Variants in TNS3 observed in about 807,000 individuals in gnomAD.
TNS3 encodes the protein tensin 3.
Under a neutral mutation model 140.9 loss-of-function variants are expected in TNS3, and 45 were observed. That is an observed-to-expected ratio of 0.32 (90% CI 0.25 to 0.41). The LOEUF (loss-of-function observed/expected upper bound fraction) is 0.41, where lower values mean the gene tolerates loss of function less well. Ranked by LOEUF, TNS3 falls within the 10% of genes least tolerant of loss-of-function variation. The pLI is 1.00. For missense variants in TNS3, 1,716 were observed against 1,906.7 expected (o/e 0.90, Z 1.86); for synonymous variants, 815 against 788.4 (o/e 1.03, Z -0.56).
At chr7:47,448,361 C>T (rs1795853101) in intron 4 of TNS3, among the ~76,000 whole-genome samples, 1 of 152,206 alleles carries the variant, frequency 6.6e-6, no homozygotes. Flanking sequence ...GGTGGGATCC[C>T]AGCTGGTTTG....
intron 16 of TNS3, among the ~76,000 whole-genome samples, chr7:47,382,131 G>A (rs1345410935): frequency 6.6e-6 from 1 of 152,292 alleles, no homozygotes; most frequent in Non-Finnish European, 1.5e-5. Flanking sequence ...CAACGGCCAA[G>A]GTACCTTTAT....
At chr7:47,447,789 C>T (rs1046790022) in intron 4 of TNS3, among the ~76,000 whole-genome samples, 1 of 152,210 alleles carries the variant, frequency 6.6e-6, no homozygotes, top group Admixed American at 6.5e-5. Context: ...CACCACGCGC[C>T]ATTTGCCAAG....
At chr7:47,535,408 A>C (rs1401058099) in intron 1 of TNS3, among the ~76,000 whole-genome samples, 1 of 152,204 alleles carries the variant, frequency 6.6e-6, no homozygotes, top group Non-Finnish European at 1.5e-5. Context: ...ATCTCTGAGG[A>C]GTTCATTTAG....
intron 16 of TNS3, among the ~76,000 whole-genome samples, chr7:47,390,097 C>A (rs1276233634): frequency 6.6e-6 from 1 of 152,212 alleles, no homozygotes; most frequent in African/African-American, 2.4e-5. Context: ...GGACAGCACT[C>A]CACGTTGCCA....
chr7:47,505,890 G>A (rs1034201159), intron 3 of TNS3, among the ~76,000 whole-genome samples: 19 of 152,252 alleles, frequency 1.2e-4, no homozygotes, highest in African/African-American at 4.3e-4. Context: ...CGGGAGGGTC[G>A]GGGAAACCAG....
intron 4 of TNS3, among the ~76,000 whole-genome samples, chr7:47,463,316 T>C (rs1409325420): frequency 6.6e-6 from 1 of 152,194 alleles, no homozygotes; most frequent in Non-Finnish European, 1.5e-5. Flanking sequence ...TGGTTGTGCA[T>C]GCCTGTAATC....
intron 3 of TNS3, among the ~76,000 whole-genome samples, chr7:47,498,361 AC>A (rs905059138): frequency 6.6e-6 from 1 of 152,162 alleles, no homozygotes; most frequent in Non-Finnish European, 1.5e-5. Flanking sequence ...GGATGCAGGG[AC>A]CCACATTCTC....
intron 3 of TNS3, among the ~76,000 whole-genome samples, chr7:47,489,184 C>A (rs1797721215): frequency 6.6e-6 from 1 of 152,184 alleles, no homozygotes; most frequent in Non-Finnish European, 1.5e-5. Flanking sequence ...CGCAATTAAA[C>A]CTTCTCAGCC....
At chr7:47,319,149 G>A (rs569276568) in intron 20 of TNS3, among the ~76,000 whole-genome samples, 1 of 152,294 alleles carries the variant, frequency 6.6e-6, no homozygotes, top group East Asian at 1.9e-4. Flanking sequence ...CGCTATATAG[G>A]AACAACCGAG....
At chr7:47,372,713 A>G (rs1791146788) in intron 16 of TNS3, among the ~76,000 whole-genome samples, 1 of 152,212 alleles carries the variant, frequency 6.6e-6, no homozygotes, top group Admixed American at 6.5e-5. Flanking sequence ...CTGACAGCCC[A>G]GGTGGCGTTC....
At chr7:47,454,356 A>G (rs1796158054) in intron 4 of TNS3, among the ~76,000 whole-genome samples, 1 of 152,204 alleles carries the variant, frequency 6.6e-6, no homozygotes, top group South Asian at 2.1e-4. Context: ...TACTGGCCAC[A>G]GTCATCAGAC....
Position 47,442,027 on chromosome 7 carries a change from G to A in TNS3, c.-47C>T, listed in dbSNP as rs757688918. The A allele has an allele frequency of 3.1e-6, 4 of 1,288,754 alleles. No individual in the cohort carries two copies. The highest frequency in any genetic ancestry group is 4.0e-6 in the Non-Finnish European group (4 of 988,588). 79.8% of individuals were successfully genotyped at this position (1,288,754 alleles called of 1,614,324 possible). On this transcript the variant is annotated 5_prime_UTR_variant, in exon 5 of 31. Transcript: ENST00000311160. ...CCGCAGAGGTTTATCACGGCAGAGA[G>A]AACTGGACAGCGTGGAACTCCCTGG...
At chr7:47,311,513 A>C (rs1374345499) in intron 20 of TNS3, among the ~76,000 whole-genome samples, 1 of 152,196 alleles carries the variant, frequency 6.6e-6, no homozygotes, top group Non-Finnish European at 1.5e-5. Context: ...AAAACAAAAT[A>C]AATGAAATTA....
At chr7:47,354,429 T>C (rs1789869391) in intron 17 of TNS3, among the ~76,000 whole-genome samples, 1 of 149,892 alleles carries the variant, frequency 6.7e-6, no homozygotes, top group East Asian at 2.0e-4. Context: ...CACACAGGGA[T>C]GTTCACGGGC....
At chr7:47,459,035 C>T (rs1046884759) in intron 4 of TNS3, among the ~76,000 whole-genome samples, 6 of 152,196 alleles carry the variant, frequency 3.9e-5, no homozygotes, top group South Asian at 2.1e-4. Context: ...CCAAATGGTG[C>T]TTTATGTCCA....
Position 47,396,893 on chromosome 7 carries a change from A to G in TNS3, c.931T>C (p.Leu311=). The change falls in exon 16 of 31, where the codon TTG becomes CTG. Residue 311 remains leucine (L), a synonymous_variant. Transcript: ENST00000311160. ...ACAATCACACCGTGGTCGTTGTACA[A>G]GTGTTCGGACCCTGCACAGAGCACA... ...TPEKIQGSEH[L]YNDHGVIVDY... The G allele has an allele frequency of 1.9e-6, 3 of 1,613,910 alleles. No homozygotes were observed. Among genetic ancestry groups the G allele is most frequent in the Non-Finnish European group, 2.5e-6 (3 of 1,179,808 alleles).
chr7:47,333,348 C>T (rs1245731813), intron 20 of TNS3, among the ~76,000 whole-genome samples: 1 of 152,216 alleles, frequency 6.6e-6, no homozygotes, highest in Non-Finnish European at 1.5e-5. Context: ...TCACCATGCA[C>T]CAGTGTGCAT....
chr7:47,575,541 C>T (rs1399712666), intron 1 of TNS3, among the ~76,000 whole-genome samples: 1 of 152,014 alleles, frequency 6.6e-6, no homozygotes, highest in African/African-American at 2.4e-5. Context: ...TACGGCCGGG[C>T]GCGGTGGCTC....
intron 1 of TNS3, among the ~76,000 whole-genome samples, chr7:47,566,357 T>C (rs1219561382): frequency 6.6e-6 from 1 of 152,166 alleles, no homozygotes; most frequent in Non-Finnish European, 1.5e-5. Flanking sequence ...TGCCCAAAGG[T>C]ACTCAGGGTG....
Sources: allele counts gnomAD v4.1 joint callset (sites outside exome capture counted in the v4.1 genomes callset), GRCh38; gene constraint gnomAD v4.1.1; transcripts MANE v1.5; gene names NCBI Gene and HGNC (gene_info 2026-07-23, HGNC 2026-07-21).